TSHR: variants seen among roughly 807,000 people sequenced by gnomAD.
TSHR encodes the protein thyrotropin receptor.
In TSHR, 51 loss-of-function variants were observed where a neutral mutation model predicts 64.1. The ratio of observed to expected loss-of-function variants is 0.80; its 90% CI spans 0.64 to 1.01. The LOEUF (loss-of-function observed/expected upper bound fraction) is 1.01. Among genes scored for constraint, TSHR ranks in the 50% least tolerant of loss-of-function variants. The pLI is 0.00. For synonymous variants in TSHR, 361 were observed against 361.9 expected, an observed-to-expected ratio of 1.00 and a Z score of 0.03; for missense variants, 877 against 942.8, an observed-to-expected ratio of 0.93 and a Z score of 0.91.
chr14:81,087,543 C>T (rs1595083568), intron 3 of TSHR: 1 of 259,988 alleles, frequency 3.8e-6, no homozygotes, highest in Non-Finnish European at 7.5e-6. Context: ...CATAAAATTC[C>T]CTCATCCTCC....
intron 4 of TSHR, among the ~76,000 whole-genome samples, chr14:81,090,559 A>AAATGGTACTGTTAT (rs139570158): frequency 0.16 from 24,673 of 151,722 alleles, 2,416 homozygotes; most frequent in African/African-American, 0.28. Flanking sequence ...ATATTTTTTT[A>AAATGGTACTGTTAT]AATGGTACTG....
intron 1 of TSHR, among the ~76,000 whole-genome samples, chr14:81,036,224 C>T (rs982104941): frequency 2.0e-5 from 3 of 152,116 alleles, no homozygotes; most frequent in African/African-American, 7.2e-5. Context: ...TATGTACATC[C>T]AGCTCCATGA....
chr14:80,978,535 G>A (rs1414011159), intron 1 of TSHR, among the ~76,000 whole-genome samples: 1 of 152,222 alleles, frequency 6.6e-6, no homozygotes, highest in Non-Finnish European at 1.5e-5. Context: ...CTAGAGCAAA[G>A]ACTGCCTGTT....
chr14:81,107,802 A>G (rs1889989812), intron 7 of TSHR, among the ~76,000 whole-genome samples: 1 of 152,180 alleles, frequency 6.6e-6, no homozygotes, highest in Non-Finnish European at 1.5e-5. Context: ...TTTAAATTGC[A>G]TGGCAAATAT....
intron 3 of TSHR, among the ~76,000 whole-genome samples, chr14:81,079,617 T>A (rs1157645045): frequency 6.6e-6 from 1 of 152,182 alleles, no homozygotes; most frequent in African/African-American, 2.4e-5. Context: ...TTTGGGAGAC[T>A]GAGGCAGAAG....
chr14:81,066,440 T>C (rs1886616447), intron 2 of TSHR, among the ~76,000 whole-genome samples: 1 of 152,188 alleles, frequency 6.6e-6, no homozygotes, highest in Non-Finnish European at 1.5e-5. Flanking sequence ...TATAACGTTA[T>C]TATCTGCAAG....
At chr14:81,097,770 A>C (rs1169553360) in intron 7 of TSHR, among the ~76,000 whole-genome samples, 8 of 152,198 alleles carry the variant, frequency 5.3e-5, no homozygotes, top group African/African-American at 1.9e-4. Flanking sequence ...ACACTGAGGC[A>C]AGGCTCCCTG....
chr14:81,116,985 A>G (rs552418986), intron 8 of TSHR, among the ~76,000 whole-genome samples: 2 of 136,934 alleles, frequency 1.5e-5, no homozygotes, highest in African/African-American at 3.0e-5. Context: ...TGAAACCAAC[A>G]AGAACAAAGA....
Position 81,092,594 on chromosome 14 carries a change from T to C in TSHR, c.531T>C (p.Asn177=). ...TGAATGCTTTTCAGGGACTATGCAA[T>C]GAAACCTTGACACTGTGAGTATTAC... ...IPVNAFQGLC[N]ETLTLKLYNN... is the part of the protein sequence containing the mutation. The change falls in exon 6 of 10, where the codon AAT becomes AAC. Residue 177 remains asparagine, a synonymous_variant. Transcript: ENST00000298171. The C allele has an allele frequency of 6.2e-7, 1 of 1,614,044 alleles. No individual in the cohort carries two copies. Among genetic ancestry groups the C allele is most frequent in the Non-Finnish European group, 8.5e-7 (1 of 1,179,944 alleles).
chr14:80,956,039 A>G, intron 1 of TSHR, 189 bp downstream of exon 1: 3 of 688,918 alleles, frequency 4.4e-6, no homozygotes, highest in South Asian at 1.7e-5. Flanking sequence ...TTGGGAAGGT[A>G]TCATTGTTGA....
chr14:80,971,733 ACT>A (rs1299995643), intron 1 of TSHR, among the ~76,000 whole-genome samples: 1 of 152,096 alleles, frequency 6.6e-6, no homozygotes, highest in Non-Finnish European at 1.5e-5. Context: ...CCTTGGACAT[ACT>A]CCTGTCAGTA....
intron 1 of TSHR, chr14:81,051,734 A>C (rs1222546601): frequency 1.3e-5 from 2 of 152,110 alleles, no homozygotes; most frequent in Non-Finnish European, 2.9e-5. Flanking sequence ...AGCCATACTT[A>C]CAGGTGCAGG....
chr14:81,111,529 C>T (rs372636358), intron 8 of TSHR, among the ~76,000 whole-genome samples: 1 of 152,218 alleles, frequency 6.6e-6, no homozygotes, highest in African/African-American at 2.4e-5. Flanking sequence ...CTTGGTGTGG[C>T]TTGCAAGGCA....
chr14:81,070,846 A>G (rs959461041), intron 3 of TSHR, among the ~76,000 whole-genome samples: 5 of 152,116 alleles, frequency 3.3e-5, no homozygotes, highest in African/African-American at 1.2e-4. Context: ...AAAAATTGAG[A>G]GAATTTATTA....
chr14:81,079,740 C>G (rs746655896), intron 3 of TSHR, among the ~76,000 whole-genome samples: 2 of 151,790 alleles, frequency 1.3e-5, no homozygotes, highest in Non-Finnish European at 2.9e-5. Context: ...CCTATAGTCC[C>G]AGCTTCTCAG....
chr14:80,973,905 C>T (rs1382354744), intron 1 of TSHR, among the ~76,000 whole-genome samples: 1 of 151,970 alleles, frequency 6.6e-6, no homozygotes, highest in African/African-American at 2.4e-5. Flanking sequence ...TTTCCCCAAC[C>T]TGCTTTAGAT....
intron 8 of TSHR, 43 bp from the exon 9 acceptor site, chr14:81,139,636 C>G: frequency 1.2e-6 from 2 of 1,609,008 alleles, no homozygotes; most frequent in Non-Finnish European, 1.7e-6. Flanking sequence ...AAGGCCCTGG[C>G]TGCTCACTGC....
chr14:81,081,814 C>T (rs781333408), intron 3 of TSHR, among the ~76,000 whole-genome samples: 11 of 152,008 alleles, frequency 7.2e-5, no homozygotes, highest in Non-Finnish European at 1.6e-4. Flanking sequence ...TTATACCACC[C>T]AGAGTATGCA....
At chr14:81,040,030 A>C (rs1884845245) in intron 1 of TSHR, among the ~76,000 whole-genome samples, 1 of 152,078 alleles carries the variant, frequency 6.6e-6, no homozygotes, top group Non-Finnish European at 1.5e-5. Context: ...TAAAAAGAAC[A>C]AAGCTGACGG....
Sources: gnomAD v4.1 joint callset for allele counts (sites outside exome capture counted in the v4.1 genomes callset) on GRCh38, gnomAD v4.1.1 for gene constraint, MANE v1.5 for transcripts, NCBI Gene and HGNC (gene_info 2026-07-23, HGNC 2026-07-21) for gene names.